ERVH48-1: variants seen among roughly 807,000 people sequenced by gnomAD.
ERVH48-1 encodes endogenous retrovirus group 48 member 1, envelope.
Under a neutral mutation model 2.4 loss-of-function variants are expected in ERVH48-1, and 4 were observed. That is an observed-to-expected ratio of 1.68 (90% CI 0.83 to 3.84). The LOEUF (loss-of-function observed/expected upper bound fraction) is 3.84. Among genes scored for constraint, ERVH48-1 ranks in the 30% most tolerant of loss-of-function variants. The pLI, the probability that ERVH48-1 is intolerant of heterozygous loss-of-function variation, is 0.01. For synonymous variants in ERVH48-1, 32 were observed against 15.5 expected, an observed-to-expected ratio of 2.06 and a Z score of -2.49; for missense variants, 97 against 43.4, an observed-to-expected ratio of 2.23 and a Z score of -3.47.
At position 42,925,449 on chromosome 21, in the gene ERVH48-1, G is replaced by T. The variant is rs1005803486; in HGVS notation, c.-389C>A. 1.1e-5 allele frequency: 5 copies of T among 468,646 alleles called. No homozygotes were observed. The highest frequency in any genetic ancestry group is 2.1e-5 in the African/African-American group (1 of 48,690). 29.0% of individuals were successfully genotyped at this position (468,646 alleles called of 1,614,324 possible). ...GTGGCCTGCTTTCCCAGATGGAGGGGTGGTAGGTCCACTGGGGACGTGGAC... is the reference window on the plus strand; with the variant it reads ...GTGGCCTGCTTTCCCAGATGGAGGGTTGGTAGGTCCACTGGGGACGTGGAC... On this transcript the variant is annotated 5_prime_UTR_variant, in exon 1 of 2. Coordinates refer to ENST00000447535, the MANE Select transcript of ERVH48-1 (RefSeq NM_001308491.2).
chr21:42,918,477 A>G lies in ERVH48-1; in HGVS notation c.*47T>C, dbSNP rs1263437845. On this transcript the variant is annotated 3_prime_UTR_variant, in exon 2 of 2. Transcript: ENST00000447535. ...TCATGGTAAGCACAATGGTTCTCCT[A>G]GATCTACAAACAGATTTTTTCCTGG... 2 of 427,642 alleles carry G rather than the reference A, an allele frequency of 4.7e-6. No homozygotes were observed. Among genetic ancestry groups the G allele is most frequent in the Non-Finnish European group, 9.4e-6 (2 of 213,090 alleles). The allele number at this position is 427,642 out of a possible 1,614,324, so 26.5% of individuals were successfully genotyped here.
At chr21:42,922,314 AAGTT>A (rs770739205) in intron 1 of ERVH48-1, among the ~76,000 whole-genome samples, 2 of 151,984 alleles carry the variant, frequency 1.3e-5, no homozygotes, top group Non-Finnish European at 2.9e-5. Context: ...GAGTAGAAGA[AAGTT>A]AGAAGCCCTG....
intron 1 of ERVH48-1, among the ~76,000 whole-genome samples, chr21:42,923,268 G>A (rs2058812313): frequency 6.6e-6 from 1 of 152,228 alleles, no homozygotes; most frequent in African/African-American, 2.4e-5. Flanking sequence ...CGGCCCCGTG[G>A]GCCTGCAGGG....
In ERVH48-1 at chr21:42,916,964, T is replaced by G. The variant is rs2058790524; in HGVS notation, c.*1560A>C. 2 of 152,446 alleles carry G rather than the reference T, an allele frequency of 1.3e-5. No individual in the cohort carries two copies. The highest frequency in any genetic ancestry group is 2.9e-5 in the Non-Finnish European group (2 of 68,250). The allele number at this position is 152,446 out of a possible 1,614,324, so 9.4% of individuals were successfully genotyped here. A position where few individuals can be genotyped will look rare whatever the true frequency, so the allele number is the denominator to read the frequency against. On this transcript the variant is annotated 3_prime_UTR_variant, in exon 2 of 2. Transcript: ENST00000447535. ...CTATGTAGTACCAGGGCGACCTCCC[T>G]CTTGATCTTCAGGGGGTACGTGTCT...
chr21:42,924,543 C>A (rs1032864769), intron 1 of ERVH48-1, among the ~76,000 whole-genome samples: 1 of 152,098 alleles, frequency 6.6e-6, no homozygotes, highest in African/African-American at 2.4e-5. Flanking sequence ...AATTTCTCCC[C>A]ATTTTTCCAG....
At position 42,925,427 on chromosome 21, in the gene ERVH48-1, G is replaced by A; in HGVS notation, c.-367C>T. 2.0e-6 allele frequency: 1 copy of A among 491,842 alleles called. No individual in the cohort carries two copies. Among genetic ancestry groups the A allele is most frequent in the Non-Finnish European group, 3.8e-6 (1 of 264,844 alleles). The allele number at this position is 491,842 out of a possible 1,614,324, so 30.5% of individuals were successfully genotyped here. The stretch of plus-strand genomic sequence containing the variant: ...GAGCTTCCTTTGTCCGGCTGCTGTG[G>A]CCTGCTTTCCCAGATGGAGGGGTGG... On this transcript the variant is annotated 5_prime_UTR_variant, in exon 1 of 2. Transcript: ENST00000447535.
At chr21:42,921,179 C>T (rs559281882) in intron 1 of ERVH48-1, among the ~76,000 whole-genome samples, 4 of 151,824 alleles carry the variant, frequency 2.6e-5, no homozygotes, top group Non-Finnish European at 2.9e-5. Flanking sequence ...CCATGCCGTT[C>T]GTCAGGATAG....
chr21:42,925,310 A>AT, intron 1 of ERVH48-1, 36 bp downstream of exon 1: 2 of 380,818 alleles, frequency 5.3e-6, no homozygotes, highest in Non-Finnish European at 9.6e-6. Flanking sequence ...GGCCGTGCGG[A>AT]TTTTTCCCTG....
intron 1 of ERVH48-1, among the ~76,000 whole-genome samples, chr21:42,924,151 G>A (rs1161087154): frequency 1.3e-5 from 2 of 152,180 alleles, no homozygotes; most frequent in African/African-American, 4.8e-5. Flanking sequence ...TTAATAGGCA[G>A]CAGAGGATAG....
rs1385984529 is a variant in ERVH48-1 at position 42,918,710 on chromosome 21, A to C, written c.297T>G (p.Asn99Lys). 2.2e-6 allele frequency: 1 copy of C among 456,754 alleles called. No individual in the cohort carries two copies. The highest frequency in any genetic ancestry group is 1.5e-5 in the South Asian group (1 of 64,574). 28.3% of individuals were successfully genotyped at this position (456,754 alleles called of 1,614,324 possible). A position where few individuals can be genotyped will look rare whatever the true frequency, so the allele number is the denominator to read the frequency against. The change falls in exon 2 of 2, where the codon AAT becomes AAG. Residue 99 changes from asparagine (N) to lysine (K), a missense_variant. By Grantham distance (94) the Asn-to-Lys change is moderately conservative. Coordinates refer to ENST00000447535, the MANE Select transcript of ERVH48-1 (RefSeq NM_001308491.2). ...VKNLGVCGSR[N>K]GAICPRGKQW... The stretch of plus-strand genomic sequence containing the variant: ...GCTTCCCTCTGGGGCAAATAGCCCC[A>C]TTACGACTGCCACATACTCCTAGAT...
At chr21:42,922,901 G>A (rs1176982182) in intron 1 of ERVH48-1, among the ~76,000 whole-genome samples, 2 of 152,166 alleles carry the variant, frequency 1.3e-5, no homozygotes, top group African/African-American at 4.8e-5. Flanking sequence ...AGGTAAAGCA[G>A]AGTAGGTTGA....
chr21:42,921,195 GAA>G (rs2058804513), intron 1 of ERVH48-1, among the ~76,000 whole-genome samples: 1 of 152,124 alleles, frequency 6.6e-6, no homozygotes, highest in Admixed American at 6.5e-5. Context: ...GATAGAGGGA[GAA>G]AGGTTTGGTG....
At chr21:42,921,536 A>T (rs1164617352) in intron 1 of ERVH48-1, among the ~76,000 whole-genome samples, 2 of 152,016 alleles carry the variant, frequency 1.3e-5, no homozygotes, top group Non-Finnish European at 2.9e-5. Flanking sequence ...TTTTTAGGGG[A>T]TACCTGATAC....
chr21:42,922,013 T>C (rs1296363926), intron 1 of ERVH48-1, among the ~76,000 whole-genome samples: 1 of 152,170 alleles, frequency 6.6e-6, no homozygotes, highest in African/African-American at 2.4e-5. Flanking sequence ...GACTAAGTGG[T>C]AAGTTCCATC....
Position 42,918,463 on chromosome 21 carries a change from A to G in ERVH48-1, c.*61T>C. ...ACAATTGGACACATTCATGGTAAGC[A>G]CAATGGTTCTCCTAGATCTACAAAC... On this transcript the variant is annotated 3_prime_UTR_variant, in exon 2 of 2. Transcript: ENST00000447535. 2.4e-6 allele frequency: 1 copy of G among 413,552 alleles called. No individual in the cohort carries two copies. The highest frequency in any genetic ancestry group is 4.8e-6 in the Non-Finnish European group (1 of 207,020). 25.6% of individuals were successfully genotyped at this position (413,552 alleles called of 1,614,324 possible).
chr21:42,922,817 G>A (rs2058810450), intron 1 of ERVH48-1, among the ~76,000 whole-genome samples: 1 of 151,598 alleles, frequency 6.6e-6, no homozygotes, highest in Admixed American at 6.6e-5. Flanking sequence ...GGGGGCTCGG[G>A]ATTTGGAGAC....
At position 42,918,158 on chromosome 21, in the gene ERVH48-1, G is replaced by A. The variant is rs905104477; in HGVS notation, c.*366C>T. On this transcript the variant is annotated 3_prime_UTR_variant, in exon 2 of 2. Transcript: ENST00000447535. ...CAATTGAGGTAGCTTAAGTTAGAAG[G>A]AGACCAGGCTCCAGGGGGTAACCTT... is the stretch of plus-strand genomic sequence containing the variant. 14 of 235,836 alleles carry A rather than the reference G, an allele frequency of 5.9e-5. No individual in the cohort carries two copies. The highest frequency in any genetic ancestry group is 2.7e-4 in the African/African-American group (12 of 43,644). 14.6% of individuals were successfully genotyped at this position (235,836 alleles called of 1,614,324 possible). A position where few individuals can be genotyped will look rare whatever the true frequency, so the allele number is the denominator to read the frequency against.
Position 42,916,816 on chromosome 21 carries a change from T to C in ERVH48-1, c.*1708A>G. 5.3e-6 allele frequency: 1 copy of C among 188,970 alleles called. No individual in the cohort carries two copies. The highest frequency in any genetic ancestry group is 1.1e-5 in the Non-Finnish European group (1 of 94,772). 11.7% of individuals were successfully genotyped at this position (188,970 alleles called of 1,614,324 possible). A position where few individuals can be genotyped will look rare whatever the true frequency, so the allele number is the denominator to read the frequency against. ...CATGAGGCGGTGTGGAGCAACATGC[T>C]GTTTTAATGAGCGCCTGCATGCAGA... On this transcript the variant is annotated 3_prime_UTR_variant, in exon 2 of 2. Coordinates refer to ENST00000447535, the MANE Select transcript of ERVH48-1 (RefSeq NM_001308491.2).
chr21:42,920,521 G>C (rs947204821), intron 1 of ERVH48-1, among the ~76,000 whole-genome samples: 4 of 152,204 alleles, frequency 2.6e-5, no homozygotes, highest in East Asian at 1.9e-4. Context: ...ACAAGTGTGA[G>C]TGCACTACGT....
Sources: allele counts gnomAD v4.1 joint callset (sites outside exome capture counted in the v4.1 genomes callset), GRCh38; gene constraint gnomAD v4.1.1; transcripts MANE v1.5; gene names NCBI Gene and HGNC (gene_info 2026-07-23, HGNC 2026-07-21).